The following RGS12 variants were observed in gnomAD, a reference collection of about 807,000 sequenced individuals.
RGS12 encodes the protein regulator of G protein signaling 12, also known as regulator of G-protein signaling 12.
A neutral mutation model predicts 120.1 loss-of-function variants in RGS12; 66 were observed. The ratio of observed to expected loss-of-function variants is 0.55; its 90% confidence interval spans 0.45 to 0.67. The LOEUF is 0.67. Among genes scored for constraint, RGS12 ranks in the 30% least tolerant of loss-of-function variants. The pLI is 0.00. For synonymous variants in RGS12, 827 were observed against 804.7 expected (o/e 1.03, Z -0.47); for missense variants, 1,859 against 1,957.7 (o/e 0.95, Z 0.95).
At chr4:3,343,988 G>A (rs372628567) in intron 3 of RGS12, among the ~76,000 whole-genome samples, 1 of 152,304 alleles carries the variant, frequency 6.6e-6, no homozygotes, top group Non-Finnish European at 1.5e-5. Flanking sequence ...TTCCGCTATC[G>A]ATAGACACTC....
chr4:3,394,316 C>T (rs1471417116), intron 4 of RGS12, among the ~76,000 whole-genome samples: 1 of 152,152 alleles, frequency 6.6e-6, no homozygotes, highest in African/African-American at 2.4e-5. Flanking sequence ...ATGTACACCA[C>T]CACGCCTGGC....
At chr4:3,289,737 G>A (rs1222832305), upstream of RGS12, among the ~76,000 whole-genome samples, 3 of 150,730 alleles carry the variant, frequency 2.0e-5, no homozygotes, top group African/African-American at 7.5e-5. Flanking sequence ...TAGTCATCAT[G>A]CTGTACAATA....
intron 14 of RGS12, among the ~76,000 whole-genome samples, chr4:3,427,873 T>C (rs1308299539): frequency 6.6e-6 from 1 of 152,252 alleles, no homozygotes; most frequent in Admixed American, 6.5e-5. Context: ...AGCAAGTCCC[T>C]AGTTAGATGT....
At chr4:3,290,707 C>T (rs1188266970), upstream of RGS12, among the ~76,000 whole-genome samples, 1 of 152,252 alleles carries the variant, frequency 6.6e-6, no homozygotes, top group Non-Finnish European at 1.5e-5. Flanking sequence ...CACGCTTCTC[C>T]ATGGCCCTCC....
At chr4:3,423,064 G>A in intron 12 of RGS12, 86 bp downstream of exon 12, 2 of 1,143,430 alleles carry the variant, frequency 1.7e-6, no homozygotes, top group Non-Finnish European at 2.6e-6. Context: ...CGCTTAGCGG[G>A]CGGCCTGTGG....
chr4:3,411,771 G>A (rs1370453863), intron 4 of RGS12, among the ~76,000 whole-genome samples: 3 of 152,286 alleles, frequency 2.0e-5, no homozygotes, highest in African/African-American at 7.2e-5. Context: ...GCCACATGGG[G>A]GGGAGTCTTG....
intron 17 of RGS12, among the ~76,000 whole-genome samples, chr4:3,434,811 G>T (rs1724655586): frequency 6.6e-6 from 1 of 152,192 alleles, no homozygotes; most frequent in South Asian, 2.1e-4. Context: ...CCAACAAAAA[G>T]CCCGGGAGCT....
intron 3 of RGS12, among the ~76,000 whole-genome samples, chr4:3,363,299 C>G (rs1030276118): frequency 6.6e-6 from 1 of 152,066 alleles, no homozygotes; most frequent in Non-Finnish European, 1.5e-5. Flanking sequence ...AAAAAGTGAT[C>G]GGCGATTATA....
At chr4:3,285,994 C>T in the RGS12 span, among the ~76,000 whole-genome samples, 1 of 152,236 alleles carries the variant, frequency 6.6e-6, no homozygotes. Context: ...GCCGGTGTGC[C>T]GGGCTGCGCT....
chr4:3,365,064 A>T lies in RGS12; in HGVS notation c.1999-21352A>T, dbSNP rs930995346. 2.0e-5 allele frequency among the ~76,000 whole-genome samples: 3 copies of T among 151,964 alleles called. No individual in the cohort carries two copies. The highest frequency in any genetic ancestry group is 2.9e-5 in the Non-Finnish European group (2 of 67,962). ...AAGGGGCATCCTGGGTGACAGGAGG[A>T]TGAGGTGACGGCGGTTTGCAGGTTC... is the stretch of plus-strand genomic sequence containing the variant. On this transcript the variant is annotated intron_variant, in intron 3 of 17. Transcript: ENST00000336727. This position sits in a 1 kb window ranked among gnomAD's most constrained non-coding sequence, Gnocchi z 4.0.
chr4:3,387,878 A>T (rs1265476249), intron 4 of RGS12, among the ~76,000 whole-genome samples: 1 of 152,222 alleles, frequency 6.6e-6, no homozygotes, highest in African/African-American at 2.4e-5. Flanking sequence ...CCTCCAAAAG[A>T]TTGCTTCTGT....
At position 3,317,242 on chromosome 4, in the gene RGS12, C is replaced by T. The variant is rs1275683331; in HGVS notation, c.1072C>T (p.Arg358Trp). 13 of 1,614,010 alleles carry T rather than the reference C, an allele frequency of 8.1e-6. No homozygotes were observed. Among genetic ancestry groups the T allele is most frequent in the African/African-American group, 2.7e-5 (2 of 74,926 alleles). Residue 358 changes from arginine (R) to tryptophan (W), a missense_variant, in exon 2 of 18, where the codon CGG becomes TGG. By Grantham distance (101) the Arg-to-Trp change is moderately radical (BLOSUM62 -3). This residue lies in a region of RGS12 where 967 missense variants were observed against 994.2 expected (regional missense o/e 0.97). Transcript: ENST00000336727. ...NHKIHQGIAR[R>W]FGFECTADPD... ...CAAGATCCACCAAGGCATTGCTCGG[C>T]GGTTTGGGTTTGAGTGCACGGCCGA...
At chr4:3,314,001 T>A (rs987556973) in intron 1 of RGS12, 1 of 151,632 alleles carries the variant, frequency 6.6e-6, no homozygotes, top group African/African-American at 2.4e-5. Flanking sequence ...TGATGATTTT[T>A]AATAATTTTT....
In RGS12 at chr4:3,316,834, G is replaced by A; in HGVS notation, c.664G>A (p.Asp222Asn). Residue 222 changes from aspartate to asparagine, a missense_variant, in exon 2 of 18, where the codon GAT becomes AAT. Asp to Asn is a conservative substitution (Grantham distance 23). This residue lies in a region of RGS12 where 967 missense variants were observed against 994.2 expected (regional missense o/e 0.97). Coordinates refer to ENST00000336727, the MANE Select transcript of RGS12 (RefSeq NM_001394154.1). ...GLESHDDFAL[D>N]ASILNVAMIV... is the part of the protein sequence containing the mutation. ...AGAAAGTCATGACGATTTTGCATTG[G>A]ATGCAAGTATTTTAAACGTGGCGAT... 1 of 1,614,188 alleles carries A rather than the reference G, an allele frequency of 6.2e-7. No homozygotes were observed. The highest frequency in any genetic ancestry group is 8.5e-7 in the Non-Finnish European group (1 of 1,180,006).
Position 3,379,005 on chromosome 4 carries a change from ATGTGTG to A in RGS12, c.1999-7375_1999-7370del, listed in dbSNP as rs3138719. 5.0e-3 allele frequency among the ~76,000 whole-genome samples: 736 copies of A among 146,508 alleles called. 4 individuals carry two copies. Among genetic ancestry groups the A allele is most frequent in the African/African-American group, 9.4e-3 (365 of 39,014 alleles). On this transcript the variant is annotated intron_variant, in intron 3 of 17. Coordinates refer to ENST00000336727, the MANE Select transcript of RGS12 (RefSeq NM_001394154.1). ...ACCTAAGGGATAAAGGAAATGTGCGATGTGTGTGTGTGTGTGTGTGTGTGTGTGTGT... is the reference window on the plus strand; with the variant it reads ...ACCTAAGGGATAAAGGAAATGTGCGATGTGTGTGTGTGTGTGTGTGTGTGT...
intron 1 of RGS12, among the ~76,000 whole-genome samples, chr4:3,301,609 T>C (rs1056951585): frequency 3.2e-5 from 4 of 126,758 alleles, no homozygotes; most frequent in East Asian, 2.1e-4. Context: ...GGATGGAGAG[T>C]GAGGCCGGGG....
In RGS12 at chr4:3,317,576, G is replaced by T. The variant is rs1317218830; in HGVS notation, c.1406G>T (p.Gly469Val). The T allele has an allele frequency of 1.2e-6, 2 of 1,602,932 alleles. No homozygotes were observed. Among genetic ancestry groups the T allele is most frequent in the Admixed American group, 1.7e-5 (1 of 59,626 alleles). ...GGTGGGAGGGGTGCCCAGCCCTGGG[G>T]TGCTCCCTGGACTGGGCCCTTCTGT... is the stretch of plus-strand genomic sequence containing the variant. The part of the protein sequence containing the change: ...GVGGRGAQPW[G>V]APWTGPFCPD... Residue 469 changes from glycine to valine, a missense_variant, in exon 2 of 18, where the codon GGT becomes GTT. Transcript: ENST00000336727.
intron 1 of RGS12, among the ~76,000 whole-genome samples, chr4:3,308,975 GA>G (rs1344128650): frequency 6.6e-6 from 1 of 152,238 alleles, no homozygotes; most frequent in African/African-American, 2.4e-5. Flanking sequence ...CAGCACTGCT[GA>G]ATGGCAGGTG....
intron 16 of RGS12, among the ~76,000 whole-genome samples, chr4:3,429,204 C>G (rs1044834476): frequency 3.9e-5 from 6 of 152,240 alleles, no homozygotes; most frequent in African/African-American, 1.4e-4. Context: ...AGCCTGCACA[C>G]CCCTGGCCTC....
Sources: allele counts gnomAD v4.1 joint callset (sites outside exome capture counted in the v4.1 genomes callset), GRCh38; gene constraint gnomAD v4.1.1; regional missense constraint gnomAD v4.1.1; non-coding constraint Gnocchi (gnomAD v3.1); transcripts MANE v1.5; gene names NCBI Gene and HGNC (gene_info 2026-07-23, HGNC 2026-07-21).